Variants in TJP2 observed in about 807,000 individuals in gnomAD.
TJP2 encodes the protein tight junction protein 2, also known as Friedreich ataxia region gene X104 (tight junction protein ZO-2).
In TJP2, 91 loss-of-function variants were observed where a neutral mutation model predicts 133.1. The observed-to-expected ratio is 0.68, with a 90% CI of 0.58 to 0.81. The LOEUF (loss-of-function observed/expected upper bound fraction) is 0.81, where lower values mean the gene tolerates loss of function less well. TJP2 is among the 40% of genes least tolerant of loss of function. The pLI is 0.00. For synonymous variants in TJP2, 592 were observed against 583.4 expected (o/e 1.01, Z -0.21); for missense variants, 1,541 against 1,565.6 (o/e 0.98, Z 0.26).
At chr9:69,164,030 A>G (rs12056979) in intron 2 of TJP2, among the ~76,000 whole-genome samples, 64,341 of 151,698 alleles carry the variant, frequency 0.42, 13,926 homozygotes, top group East Asian at 0.63. Context: ...GATTCCTATC[A>G]TCAGAGAAAT....
At chr9:69,199,271 C>T (rs1411178483) in intron 1 of TJP2, among the ~76,000 whole-genome samples, 1 of 152,110 alleles carries the variant, frequency 6.6e-6, no homozygotes, top group African/African-American at 2.4e-5. Context: ...CGTGGTGGCT[C>T]ACATCTGTAA....
chr9:69,218,889 A>G (rs1828590639), intron 4 of TJP2, among the ~76,000 whole-genome samples: 1 of 146,994 alleles, frequency 6.8e-6, no homozygotes, highest in Non-Finnish European at 1.5e-5. Flanking sequence ...AGACACACAC[A>G]GTGAGAATGG....
At chr9:69,241,122 A>G (rs1158005111) in intron 17 of TJP2, among the ~76,000 whole-genome samples, 1 of 152,224 alleles carries the variant, frequency 6.6e-6, no homozygotes, top group Non-Finnish European at 1.5e-5. Flanking sequence ...TTTTGTACAT[A>G]TTTAAAGATT....
At chr9:69,248,763 A>T in intron 19 of TJP2, 1 of 994,864 alleles carries the variant, frequency 1.0e-6, no homozygotes, top group South Asian at 4.6e-5. Flanking sequence ...GTGATTAGAT[A>T]GCTTATGGGA....
Position 69,236,992 on chromosome 9 carries a change from G to T in TJP2, c.2035G>T (p.Ala679Ser), listed in dbSNP as rs1469096283. 6.2e-7 allele frequency: 1 copy of T among 1,614,190 alleles called. No individual in the cohort carries two copies. Among genetic ancestry groups the T allele is most frequent in the South Asian group, 1.1e-5 (1 of 91,082 alleles). The change falls in exon 14 of 23, where the codon GCT becomes TCT. Residue 679 changes from alanine to serine, a missense_variant. Transcript: ENST00000377245. Reference sequence around the variant, plus strand: ...TGTTCAAAATGCCCAGAGAGACAACGCTGGGGACCGGGCAGATTTCTGGAG... The same window carrying T: ...TGTTCAAAATGCCCAGAGAGACAACTCTGGGGACCGGGCAGATTTCTGGAG... ...ASVQNAQRDN[A>S]GDRADFWRMR...
Position 69,127,646 on chromosome 9 carries a change from C to T in TJP2, c.-131+5921C>T, listed in dbSNP as rs1822328045. ...CCTTAGCTGGCTCCTGTCAATATTC[C>T]CCCTCTACCCCTGACCAGGGTACCA... On this transcript the variant is annotated intron_variant, in intron 1 of 5. Coordinates refer to the TJP2 transcript ENST00000423935. Among the ~76,000 whole-genome samples, 2 of 75,782 alleles carry T rather than the reference C, an allele frequency of 2.6e-5. 1 individual carries two copies. Among genetic ancestry groups the T allele is most frequent in the African/African-American group, 8.1e-5 (2 of 24,740 alleles). The allele number at this position is 75,782 out of a possible 152,430, so 49.7% of individuals were successfully genotyped here.
chr9:69,248,091 G>A lies in TJP2; in HGVS notation c.2747G>A (p.Ser916Asn). ...GGCGCGGACTATCTGAGTTGCGACAGCCGCCTCATCAGTGACTTTGAAGAC... is the reference window on the plus strand; with the variant it reads ...GGCGCGGACTATCTGAGTTGCGACAACCGCCTCATCAGTGACTTTGAAGAC... The part of the protein sequence containing the change: ...AMGADYLSCD[S>N]RLISDFEDTD... The change falls in exon 19 of 23, where the codon AGC becomes AAC. Residue 916 changes from serine (S) to asparagine (N), a missense_variant. By Grantham distance (46) the Ser-to-Asn change is conservative (BLOSUM62 1). Coordinates refer to ENST00000377245, the MANE Select transcript of TJP2 (RefSeq NM_004817.4). The A allele has an allele frequency of 1.2e-6, 2 of 1,614,156 alleles. No homozygotes were observed. Among genetic ancestry groups the A allele is most frequent in the Non-Finnish European group, 1.7e-6 (2 of 1,180,028 alleles).
chr9:69,251,454 C>G (rs557925868), intron 21 of TJP2, 90 bp downstream of exon 21: 1 of 1,365,972 alleles, frequency 7.3e-7, no homozygotes, highest in East Asian at 2.5e-5. Context: ...GCTGCTGCTG[C>G]AGATGTGGCA....
chr9:69,230,190 G>A lies in TJP2; in HGVS notation c.1629G>A (p.Ser543=), dbSNP rs771239031. 3.2e-5 allele frequency: 52 copies of A among 1,614,038 alleles called. No individual in the cohort carries two copies. The Admixed American group carries it at 3.3e-4, about 10-fold the overall frequency. The change falls in exon 11 of 23, where the codon TCG becomes TCA. Residue 543 remains serine, a synonymous_variant. Transcript: ENST00000377245. ...IFVAGIQEGT[S]AEQEGLQEGD... ...TTGCTGGCATTCAAGAAGGGACCTC[G>A]GCGGAGCAGGAGGGCCTTCAAGAAG...
Position 69,254,748 on chromosome 9 carries a change from G to A in TJP2, c.*374G>A. 2.0e-6 allele frequency: 1 copy of A among 509,082 alleles called. No individual in the cohort carries two copies. The highest frequency in any genetic ancestry group is 3.4e-6 in the Non-Finnish European group (1 of 290,484). The allele number at this position is 509,082 out of a possible 1,614,324, so 31.5% of individuals were successfully genotyped here. On this transcript the variant is annotated 3_prime_UTR_variant, in exon 23 of 23. Coordinates refer to ENST00000377245, the MANE Select transcript of TJP2 (RefSeq NM_004817.4). ...GCCTTCAAGGACTGTTTCAGTGTGA[G>A]TCAGAATGTGAAAAAGGAATAAAAA... is the stretch of plus-strand genomic sequence containing the variant.
At chr9:69,218,203 T>A (rs1828538045) in intron 3 of TJP2, 54 bp from the exon 4 acceptor site, 1 of 1,381,932 alleles carries the variant, frequency 7.2e-7, no homozygotes, top group Non-Finnish European at 1.0e-6. Context: ...AATAAATAAT[T>A]TACAATGAAT....
intron 12 of TJP2, among the ~76,000 whole-genome samples, chr9:69,235,170 T>C (rs996731427): frequency 6.6e-6 from 1 of 152,208 alleles, no homozygotes; most frequent in African/African-American, 2.4e-5. Context: ...GATTTAGTTC[T>C]AGTCTCAGTC....
rs544517169 is a variant in TJP2 at position 69,253,862 on chromosome 9, CAA to C, written c.3408-345_3408-344del. 2,242 of 354,432 alleles carry C rather than the reference CAA, an allele frequency of 6.3e-3. 13 individuals carry two copies. The highest frequency in any genetic ancestry group is 7.6e-3 in the Non-Finnish European group (1,413 of 184,832). The allele number at this position is 354,432 out of a possible 1,614,324, so 22.0% of individuals were successfully genotyped here. On this transcript the variant is annotated intron_variant, in intron 22 of 22. Transcript: ENST00000377245. ...CAGTCAACCAGGTTGCCTCTGGCAA[CAA>C]AGAGTTCTTGGTTATGATGGACTGA... is the stretch of plus-strand genomic sequence containing the variant.
chr9:69,141,367 G>A (rs4567104), intron 1 of TJP2, among the ~76,000 whole-genome samples: 1 of 152,112 alleles, frequency 6.6e-6, no homozygotes, highest in African/African-American at 2.4e-5. Context: ...CTGCTCCCCC[G>A]AGCAGGACCC....
chr9:69,135,283 C>A (rs1822681483), intron 1 of TJP2, among the ~76,000 whole-genome samples: 1 of 152,150 alleles, frequency 6.6e-6, no homozygotes, highest in Non-Finnish European at 1.5e-5. Flanking sequence ...CATTAAAATT[C>A]ATTCTCAAAC....
chr9:69,129,355 A>G (rs1427648556), intron 1 of TJP2, among the ~76,000 whole-genome samples: 1 of 151,680 alleles, frequency 6.6e-6, no homozygotes, highest in African/African-American at 2.4e-5. Context: ...TACTAAAAAT[A>G]TGAAAAATTA....
At chr9:69,232,414 C>T (rs117749729) in intron 11 of TJP2, among the ~76,000 whole-genome samples, 186 of 152,312 alleles carry the variant, frequency 1.2e-3, no homozygotes, top group Non-Finnish European at 2.2e-3. Context: ...TACTAAATAG[C>T]TAATCAAAGA....
At chr9:69,214,984 A>G (rs1828249797) in intron 2 of TJP2, among the ~76,000 whole-genome samples, 1 of 152,210 alleles carries the variant, frequency 6.6e-6, no homozygotes, top group Non-Finnish European at 1.5e-5. Context: ...TTTTAGGCAG[A>G]CATAAGAAAG....
rs149926244 is a variant in TJP2, at chr9:69,129,988, C to T, written c.-131+8263C>T. Among the ~76,000 whole-genome samples the T allele has an allele frequency of 8.8e-3, 1,268 of 144,048 alleles. 17 individuals carry two copies. The highest frequency in any genetic ancestry group is 0.031 in the African/African-American group (1,201 of 38,616). The allele number at this position is 144,048 out of a possible 152,430, so 94.5% of individuals were successfully genotyped here. A position where few individuals can be genotyped will look rare whatever the true frequency, so the allele number is the denominator to read the frequency against. On this transcript the variant is annotated intron_variant, in intron 1 of 5. Coordinates refer to the TJP2 transcript ENST00000423935. Reference sequence around the variant, plus strand: ...CAAGATCACGCCATTGCACTCCAGCCTGGGGGACAAGAGCGAAACTCTGCC... The same window carrying T: ...CAAGATCACGCCATTGCACTCCAGCTTGGGGGACAAGAGCGAAACTCTGCC...
Sources: allele counts gnomAD v4.1 joint callset (sites outside exome capture counted in the v4.1 genomes callset), GRCh38; gene constraint gnomAD v4.1.1; transcripts MANE v1.5; gene names NCBI Gene and HGNC (gene_info 2026-07-23, HGNC 2026-07-21).